NFIL3: variants seen among roughly 807,000 people sequenced by gnomAD.
NFIL3 encodes nuclear factor, interleukin 3 regulated.
In NFIL3, 5 loss-of-function variants were observed where a neutral mutation model predicts 10.0. That is an observed-to-expected ratio of 0.50 (90% confidence interval 0.26 to 1.06). The LOEUF (loss-of-function observed/expected upper bound fraction) is 1.06, where lower values mean the gene tolerates loss of function less well. Ranked by LOEUF, NFIL3 falls within the 50% of genes least tolerant of loss-of-function variation. The pLI is 0.13. For synonymous variants in NFIL3, 202 were observed against 206.5 expected (o/e 0.98, Z 0.19); for missense variants, 436 against 547.6 (o/e 0.80, Z 2.03).
the NFIL3 span, among the ~76,000 whole-genome samples, chr9:91,477,701 C>T: frequency 6.6e-6 from 1 of 152,160 alleles, no homozygotes; most frequent in Non-Finnish European, 1.5e-5. Flanking sequence ...AGAGATAAAA[C>T]TAATAAAAAT....
the NFIL3 span, among the ~76,000 whole-genome samples, chr9:91,479,546 G>A: frequency 3.9e-5 from 6 of 152,162 alleles, no homozygotes; most frequent in Non-Finnish European, 7.4e-5. Flanking sequence ...TCCTGGTAGC[G>A]AGAATTTCAA....
At chr9:91,482,644 C>T in the NFIL3 span, among the ~76,000 whole-genome samples, 16 of 152,030 alleles carry the variant, frequency 1.1e-4, no homozygotes, top group Admixed American at 7.9e-4. Context: ...GGATTACAGG[C>T]GCCCCCACCA....
At chr9:91,467,373 G>A in the NFIL3 span, among the ~76,000 whole-genome samples, 2 of 151,944 alleles carry the variant, frequency 1.3e-5, no homozygotes, top group South Asian at 2.1e-4. Flanking sequence ...TTTTAGAGGG[G>A]TGCTAATATA....
At chr9:91,482,123 G>T in the NFIL3 span, among the ~76,000 whole-genome samples, 2 of 151,978 alleles carry the variant, frequency 1.3e-5, no homozygotes, top group African/African-American at 4.8e-5. Flanking sequence ...GTTAAAATGC[G>T]CATACCCTTT....
chr9:91,442,529 AG>A, the NFIL3 span, among the ~76,000 whole-genome samples: 2 of 152,130 alleles, frequency 1.3e-5, no homozygotes, highest in Admixed American at 1.3e-4. Context: ...ATACCTGCCA[AG>A]GGCGAGCCAG....
the NFIL3 span, among the ~76,000 whole-genome samples, chr9:91,443,823 G>A: frequency 9.8e-5 from 15 of 152,332 alleles, no homozygotes; most frequent in African/African-American, 3.6e-4. Context: ...CTCCCCCACT[G>A]CAGCTGGTCT....
chr9:91,460,436 G>A, the NFIL3 span, among the ~76,000 whole-genome samples: 1 of 151,712 alleles, frequency 6.6e-6, no homozygotes, highest in East Asian at 1.9e-4. Context: ...CATCATGCCT[G>A]GCTAATTTTT....
chr9:91,453,153 T>C, the NFIL3 span, among the ~76,000 whole-genome samples: 5 of 152,264 alleles, frequency 3.3e-5, no homozygotes, highest in African/African-American at 9.6e-5. Flanking sequence ...TTTGGCTTGT[T>C]GATGGTCATC....
At chr9:91,454,481 C>A in the NFIL3 span, among the ~76,000 whole-genome samples, 1 of 151,832 alleles carries the variant, frequency 6.6e-6, no homozygotes, top group Non-Finnish European at 1.5e-5. Flanking sequence ...TCATACATTT[C>A]CTTAGAAATT....
chr9:91,457,635 G>A, the NFIL3 span, among the ~76,000 whole-genome samples: 1 of 152,008 alleles, frequency 6.6e-6, no homozygotes, highest in Non-Finnish European at 1.5e-5. Context: ...TGCAAATAGA[G>A]ACAGTTTTAC....
intron 1 of NFIL3, among the ~76,000 whole-genome samples, chr9:91,420,436 C>A (rs372332023): frequency 9.9e-5 from 15 of 151,778 alleles, no homozygotes; most frequent in African/African-American, 3.6e-4. Context: ...TTATTGAACT[C>A]CTCACAACCA....
the NFIL3 span, among the ~76,000 whole-genome samples, chr9:91,481,836 C>T: frequency 1.5e-4 from 22 of 151,572 alleles, no homozygotes; most frequent in African/African-American, 4.1e-4. Context: ...AATCTCAGTG[C>T]GAAATAGTCA....
intron 1 of NFIL3, among the ~76,000 whole-genome samples, chr9:91,415,108 G>A (rs1242864140): frequency 6.6e-6 from 1 of 152,142 alleles, no homozygotes; most frequent in East Asian, 1.9e-4. Flanking sequence ...GGGGAGACTA[G>A]GGGCACATAA....
chr9:91,463,362 T>C, the NFIL3 span, among the ~76,000 whole-genome samples: 1 of 151,650 alleles, frequency 6.6e-6, no homozygotes, highest in African/African-American at 2.4e-5. Flanking sequence ...TTTTGCTGCA[T>C]TCCACAACTG....
chr9:91,459,009 G>A, the NFIL3 span, among the ~76,000 whole-genome samples: 1 of 152,164 alleles, frequency 6.6e-6, no homozygotes, highest in Non-Finnish European at 1.5e-5. Flanking sequence ...TTTGCATAAG[G>A]TGCGAAAAAC....
chr9:91,434,349 G>C, the NFIL3 span, among the ~76,000 whole-genome samples: 1 of 152,108 alleles, frequency 6.6e-6, no homozygotes, highest in Non-Finnish European at 1.5e-5. Flanking sequence ...ATATCAGATT[G>C]CATGGGAGTA....
At chr9:91,428,016 C>T (rs184105111), upstream of NFIL3, among the ~76,000 whole-genome samples, 12 of 152,214 alleles carry the variant, frequency 7.9e-5, no homozygotes, top group East Asian at 1.9e-4. Context: ...CTCCTCCCCA[C>T]GCCCATCAGT....
chr9:91,441,990 G>A, the NFIL3 span, among the ~76,000 whole-genome samples: 1 of 152,270 alleles, frequency 6.6e-6, no homozygotes, highest in East Asian at 1.9e-4. Flanking sequence ...TCATACATAT[G>A]AAAGAATAAA....
At position 91,418,159 on chromosome 9, in the gene NFIL3, C is replaced by T. The variant is rs182111336; in HGVS notation, c.-173+5481G>A. Among the ~76,000 whole-genome samples, 11 of 152,196 alleles carry T rather than the reference C, an allele frequency of 7.2e-5. No homozygotes were observed. In the East Asian group the frequency reaches 1.7e-3, roughly 24 times the overall value. On this transcript the variant is annotated intron_variant, in intron 1 of 1. Transcript: ENST00000297689. ...CAGAGTAAGCACATACACGCTAGCA[C>T]GACCAATTAACTGCACAGCTTGAGA...
Sources: allele counts gnomAD v4.1 joint callset (sites outside exome capture counted in the v4.1 genomes callset), GRCh38; gene constraint gnomAD v4.1.1; transcripts MANE v1.5; gene names NCBI Gene and HGNC (gene_info 2026-07-23, HGNC 2026-07-21).